MTR: variants seen among roughly 807,000 people sequenced by gnomAD.
The protein encoded by MTR is 5-methyltetrahydrofolate-homocysteine methyltransferase, also known as methionine synthase.
A neutral mutation model predicts 154.8 loss-of-function variants in MTR; 84 were observed. That is an observed-to-expected ratio of 0.54 (90% confidence interval 0.45 to 0.65). The LOEUF (loss-of-function observed/expected upper bound fraction) is 0.65, where lower values mean the gene tolerates loss of function less well. Ranked by LOEUF, MTR falls within the 30% of genes least tolerant of loss-of-function variation. The pLI, the probability that MTR is intolerant of heterozygous loss-of-function variation, is 0.00. For synonymous variants in MTR, 554 were observed against 553.9 expected (o/e 1.00, Z 0.00); for missense variants, 1,275 against 1,570.2 (o/e 0.81, Z 3.18).
chr1:236,803,205 G>A (rs951424875), intron 1 of MTR, among the ~76,000 whole-genome samples: 2 of 152,012 alleles, frequency 1.3e-5, no homozygotes, highest in Non-Finnish European at 2.9e-5. Context: ...CCTTGGTTTC[G>A]TGCTTCACCA....
chr1:236,846,869 T>C (rs1437183924), intron 15 of MTR, among the ~76,000 whole-genome samples: 1 of 152,150 alleles, frequency 6.6e-6, no homozygotes, highest in Non-Finnish European at 1.5e-5. Context: ...CCATCACTTC[T>C]GTTTTTTTTG....
intron 10 of MTR, among the ~76,000 whole-genome samples, chr1:236,825,640 T>C (rs566700454): frequency 1.3e-5 from 2 of 152,324 alleles, no homozygotes; most frequent in South Asian, 4.1e-4. Context: ...TCCAAACTAA[T>C]TGAGACTTGG....
At position 236,850,394 on chromosome 1, in the gene MTR, G is replaced by C. The variant is rs779536088; in HGVS notation, c.1566G>C (p.Leu522=). 6.8e-6 allele frequency: 11 copies of C among 1,613,558 alleles called. 1 individual carries two copies. The South Asian group carries it at 9.9e-5, about 14-fold the overall frequency. The stretch of plus-strand genomic sequence containing the variant: ...GAGTGTGCACCCGGGCCTACCATCT[G>C]CTTGTGAAAAAACTGGGCTTTAATC... ...KIRVCTRAYH[L]LVKKLGFNPN... is the part of the protein sequence containing the mutation. The change falls in exon 16 of 33, where the codon CTG becomes CTC. Residue 522 remains leucine (L), a synonymous_variant. Coordinates refer to ENST00000366577, the MANE Select transcript of MTR (RefSeq NM_000254.3).
intron 15 of MTR, among the ~76,000 whole-genome samples, chr1:236,847,308 C>T (rs1663637670): frequency 6.6e-6 from 1 of 152,202 alleles, no homozygotes; most frequent in Non-Finnish European, 1.5e-5. Context: ...GAAGTTAGCC[C>T]TGTTCGATCT....
At chr1:236,834,063 C>G (rs1043902991) in intron 13 of MTR, among the ~76,000 whole-genome samples, 22 of 152,296 alleles carry the variant, frequency 1.4e-4, no homozygotes, top group African/African-American at 5.3e-4. Flanking sequence ...ACATGTGCCT[C>G]CATCTAGATA....
chr1:236,826,765 A>G, intron 10 of MTR, 64 bp from the exon 11 acceptor site: 1 of 1,318,236 alleles, frequency 7.6e-7, no homozygotes, highest in Non-Finnish European at 1.1e-6. Flanking sequence ...TTTATGTTGA[A>G]TTGGTGGTAA....
At chr1:236,816,324 G>C (rs920027391) in intron 7 of MTR, 125 bp from the exon 8 acceptor site, 1 of 827,538 alleles carries the variant, frequency 1.2e-6, no homozygotes, top group Non-Finnish European at 2.1e-6. Context: ...CTTTGAATTT[G>C]AGTTCCACAT....
chr1:236,892,236 C>T (rs554013710), intron 29 of MTR, among the ~76,000 whole-genome samples: 6 of 152,198 alleles, frequency 3.9e-5, no homozygotes, highest in African/African-American at 1.4e-4. Context: ...CTTTGAGAGG[C>T]CAAGGTGGGA....
chr1:236,896,890 G>A (rs1255285021), intron 31 of MTR, 116 bp from the exon 32 acceptor site: 1 of 799,232 alleles, frequency 1.3e-6, no homozygotes, highest in Non-Finnish European at 2.3e-6. Context: ...CTACCTAGAA[G>A]GCATGAGCTC....
intron 1 of MTR, 85 bp downstream of exon 1, chr1:236,795,822 T>C: frequency 6.2e-7 from 1 of 1,602,134 alleles, no homozygotes; most frequent in Non-Finnish European, 8.5e-7. Context: ...GATTCCCTTC[T>C]GCGGCGGGAG....
chr1:236,852,690 G>C, intron 17 of MTR, 53 bp downstream of exon 17: 1 of 1,520,136 alleles, frequency 6.6e-7, no homozygotes, highest in Non-Finnish European at 9.1e-7. Context: ...GTTGGGGCAG[G>C]GGTTTTCAAA....
chr1:236,848,265 A>C (rs1663702928), intron 15 of MTR, among the ~76,000 whole-genome samples: 1 of 152,162 alleles, frequency 6.6e-6, no homozygotes, highest in South Asian at 2.1e-4. Flanking sequence ...CCTGTGGGTA[A>C]CATACTGTTC....
At chr1:236,797,401 C>T (rs1660454597) in intron 1 of MTR, among the ~76,000 whole-genome samples, 1 of 152,132 alleles carries the variant, frequency 6.6e-6, no homozygotes, top group African/African-American at 2.4e-5. Context: ...CTAGCAAATA[C>T]ATCTTGGGAG....
chr1:236,828,660 C>T (rs1662437982), intron 11 of MTR, among the ~76,000 whole-genome samples: 1 of 152,036 alleles, frequency 6.6e-6, no homozygotes. Context: ...AGTTTTAGTG[C>T]TTTATGTCTA....
rs375088085 is a variant in MTR, at chr1:236,826,784, G to A, written c.928-45G>A. On this transcript the variant is annotated intron_variant, in intron 10 of 32. Transcript: ENST00000366577. Reference sequence around the variant, plus strand: ...TGTTGAATTGGTGGTAATGAGTTTAGAATTCAAGTGAACTTGCTGAAACTT... The same window carrying A: ...TGTTGAATTGGTGGTAATGAGTTTAAAATTCAAGTGAACTTGCTGAAACTT... 51 of 1,522,036 alleles carry A rather than the reference G, an allele frequency of 3.4e-5. No homozygotes were observed. In the African/African-American group the frequency reaches 6.7e-4, roughly 20 times the overall value. 94.3% of individuals were successfully genotyped at this position (1,522,036 alleles called of 1,614,324 possible). A position where few individuals can be genotyped will look rare whatever the true frequency, so the allele number is the denominator to read the frequency against.
At chr1:236,826,960 T>C (rs1662324444) in intron 11 of MTR, 64 bp downstream of exon 11, 3 of 1,432,668 alleles carry the variant, frequency 2.1e-6, no homozygotes, top group Non-Finnish European at 2.0e-6. Flanking sequence ...AATCTAAATA[T>C]GTACTTTTTG....
intron 15 of MTR, among the ~76,000 whole-genome samples, chr1:236,843,459 T>C (rs565317752): frequency 1.4e-4 from 22 of 152,306 alleles, no homozygotes; most frequent in African/African-American, 5.1e-4. Context: ...CCTAACACTT[T>C]TGGTTAACAT....
chr1:236,811,905 A>T (rs1374987640), intron 5 of MTR, among the ~76,000 whole-genome samples: 1 of 152,164 alleles, frequency 6.6e-6, no homozygotes, highest in African/African-American at 2.4e-5. Flanking sequence ...TTACAAGAGG[A>T]CTTTGTTGTG....
At chr1:236,859,466 A>G (rs1171293325) in intron 18 of MTR, among the ~76,000 whole-genome samples, 2 of 152,134 alleles carry the variant, frequency 1.3e-5, no homozygotes, top group Admixed American at 1.3e-4. Context: ...GCCTCCCTGC[A>G]TCTGTTTTTG....
Sources: allele counts gnomAD v4.1 joint callset (sites outside exome capture counted in the v4.1 genomes callset), GRCh38; gene constraint gnomAD v4.1.1; transcripts MANE v1.5; gene names NCBI Gene and HGNC (gene_info 2026-07-23, HGNC 2026-07-21).